DPYD: variants seen among roughly 807,000 people sequenced by gnomAD.
The protein encoded by DPYD is dihydropyrimidine dehydrogenase, also known as dihydropyrimidine dehydrogenase [NADP(+)].
Under a neutral mutation model 116.2 loss-of-function variants are expected in DPYD, and 109 were observed. The observed-to-expected ratio is 0.94, with a 90% confidence interval of 0.80 to 1.10. The LOEUF is 1.10. Ranked by LOEUF, DPYD falls within the 50% of genes least tolerant of loss-of-function variation. DPYD has a pLI of 0.00. For missense variants in DPYD, 1,302 were observed against 1,254.5 expected, an observed-to-expected ratio of 1.04 and a Z score of -0.57; for synonymous variants, 440 against 432.0, an observed-to-expected ratio of 1.02 and a Z score of -0.23.
chr1:97,696,765 T>A (rs1263466000), intron 6 of DPYD, among the ~76,000 whole-genome samples: 2 of 152,178 alleles, frequency 1.3e-5, no homozygotes, highest in African/African-American at 4.8e-5. Flanking sequence ...ATTCTCATAC[T>A]CTGACAGAGG....
intron 3 of DPYD, among the ~76,000 whole-genome samples, chr1:97,814,930 GAGGAAAGAAA>G (rs1668510995): frequency 9.1e-6 from 1 of 109,754 alleles, no homozygotes; most frequent in African/African-American, 3.2e-5. Flanking sequence ...AAGAAAGAGA[GAGGAAAGAAA>G]GAAAGAAAGA....
At chr1:97,341,570 T>C (rs76195085) in intron 16 of DPYD, among the ~76,000 whole-genome samples, 1,726 of 152,258 alleles carry the variant, frequency 0.011, 30 homozygotes, top group African/African-American at 0.039. Context: ...TAGGTTAGCA[T>C]ATTAAAAAGG....
At chr1:97,598,833 TTAAG>T (rs149630538) in intron 8 of DPYD, among the ~76,000 whole-genome samples, 2,687 of 152,276 alleles carry the variant, frequency 0.018, 34 homozygotes, top group Middle Eastern at 0.034. Context: ...CATATAGGGA[TTAAG>T]TAACTCGCTG....
At chr1:97,210,280 A>G (rs923641856) in intron 19 of DPYD, among the ~76,000 whole-genome samples, 6 of 151,996 alleles carry the variant, frequency 3.9e-5, no homozygotes, top group African/African-American at 1.2e-4. Flanking sequence ...TGTTTTATAG[A>G]CCATTTACTT....
intron 8 of DPYD, among the ~76,000 whole-genome samples, chr1:97,640,821 T>G (rs994677542): frequency 6.6e-5 from 10 of 152,096 alleles, no homozygotes; most frequent in African/African-American, 1.7e-4. Flanking sequence ...AAATGGTCAC[T>G]TCAATAGAAA....
chr1:97,720,635 T>C (rs1277232197), intron 5 of DPYD: 2 of 1,255,788 alleles, frequency 1.6e-6, no homozygotes, highest in Non-Finnish European at 2.0e-6. Context: ...AGGAATATTA[T>C]GGGAAGGGTC....
chr1:97,689,496 T>A (rs930401229), intron 7 of DPYD, among the ~76,000 whole-genome samples: 2 of 152,086 alleles, frequency 1.3e-5, no homozygotes, highest in East Asian at 3.9e-4. Context: ...AAAGAGAAAG[T>A]AGAAGAATAA....
At chr1:97,688,067 CCATGT>C (rs1457824510) in intron 7 of DPYD, among the ~76,000 whole-genome samples, 1 of 152,086 alleles carries the variant, frequency 6.6e-6, no homozygotes, top group Non-Finnish European at 1.5e-5. Context: ...CAGCAAACCA[CCATGT>C]CACACGTTTA....
At chr1:97,721,940 G>A (rs950424996) in intron 4 of DPYD, among the ~76,000 whole-genome samples, 2 of 151,658 alleles carry the variant, frequency 1.3e-5, no homozygotes, top group South Asian at 2.1e-4. Flanking sequence ...TAAATGTTCT[G>A]TAAATGGTTT....
chr1:97,416,817 G>T (rs548463124), intron 14 of DPYD, among the ~76,000 whole-genome samples: 3 of 152,172 alleles, frequency 2.0e-5, no homozygotes, highest in Non-Finnish European at 4.4e-5. Context: ...ACCCAGAGGT[G>T]CTCATCGAAC....
chr1:97,612,194 A>T (rs1655990033), intron 8 of DPYD, among the ~76,000 whole-genome samples: 1 of 152,034 alleles, frequency 6.6e-6, no homozygotes, highest in South Asian at 2.1e-4. Flanking sequence ...TATTAATGCA[A>T]TATACTATTG....
At chr1:97,415,980 T>C (rs145540560) in intron 14 of DPYD, among the ~76,000 whole-genome samples, 8 of 152,318 alleles carry the variant, frequency 5.3e-5, no homozygotes, top group Admixed American at 1.3e-4. Context: ...TTATGAGTCG[T>C]ACTCCTGATT....
rs544427745 is a variant in DPYD at position 97,454,672 on chromosome 1, A to AT, written c.1741-4450dup. ...TTTAACATTTGAAGTGATGATAATG[A>AT]TTTTTTCTCTATCAGAAAAGAGATT... is the stretch of plus-strand genomic sequence containing the variant. On this transcript the variant is annotated intron_variant, in intron 13 of 22. Transcript: ENST00000370192. Among the ~76,000 whole-genome samples the AT allele has an allele frequency of 4.8e-4, 73 of 152,010 alleles. 1 individual carries two copies. In the South Asian group the frequency reaches 0.014, roughly 30 times the overall value.
intron 16 of DPYD, among the ~76,000 whole-genome samples, chr1:97,335,759 G>T (rs1669254658): frequency 6.6e-6 from 1 of 152,130 alleles, no homozygotes; most frequent in African/African-American, 2.4e-5. Context: ...TAACATATGG[G>T]AAAAGAAAAT....
chr1:97,100,301 A>G lies in DPYD; in HGVS notation c.2623-1669T>C, dbSNP rs185338713. Among the ~76,000 whole-genome samples the G allele has an allele frequency of 2.6e-5, 4 of 152,178 alleles. No individual in the cohort carries two copies. The East Asian group carries it at 7.7e-4, about 29-fold the overall frequency. ...AGGTATATGAGGTGTTAGGGATTAC[A>G]CTTGGTGCCAAAAAAATGCCTTTGG... is the stretch of plus-strand genomic sequence containing the variant. On this transcript the variant is annotated intron_variant, in intron 20 of 22. Transcript: ENST00000370192.
chr1:97,213,706 G>A (rs912938731), intron 19 of DPYD, among the ~76,000 whole-genome samples: 2 of 152,240 alleles, frequency 1.3e-5, no homozygotes, highest in East Asian at 3.9e-4. Context: ...AACTGCTGTA[G>A]GTAAGCTGTT....
intron 20 of DPYD, among the ~76,000 whole-genome samples, chr1:97,148,118 T>C (rs529169855): frequency 6.6e-6 from 1 of 152,260 alleles, no homozygotes; most frequent in East Asian, 1.9e-4. Flanking sequence ...ATGAAATGTC[T>C]GGAGCCTTAA....
At chr1:97,082,227 C>A (rs567460759) in intron 22 of DPYD, 103 bp downstream of exon 22, 1 of 1,404,862 alleles carries the variant, frequency 7.1e-7, no homozygotes, top group Non-Finnish European at 1.0e-6. Flanking sequence ...CAATATTTGG[C>A]ACCACTGGTT....
chr1:97,275,874 C>A (rs1423929828), intron 18 of DPYD, among the ~76,000 whole-genome samples: 3 of 152,156 alleles, frequency 2.0e-5, no homozygotes, highest in Non-Finnish European at 2.9e-5. Flanking sequence ...CATGGCTTAT[C>A]ATGCCTTCTC....
Sources: allele counts gnomAD v4.1 joint callset (sites outside exome capture counted in the v4.1 genomes callset), GRCh38; gene constraint gnomAD v4.1.1; transcripts MANE v1.5; gene names NCBI Gene and HGNC (gene_info 2026-07-23, HGNC 2026-07-21).